Variants in C10orf90 observed in about 807,000 individuals in gnomAD.
C10orf90 encodes (E2-independent) E3 ubiquitin-conjugating enzyme FATS.
C10orf90 carries 56 observed loss-of-function variants against 62.5 expected under a neutral mutation model. That is an observed-to-expected ratio of 0.90 (90% CI 0.72 to 1.12). The LOEUF is 1.12. Ranked by LOEUF, C10orf90 falls within the 50% of genes most tolerant of loss-of-function variation. The probability of loss-of-function intolerance (pLI) is 0.00; values close to 1 mark genes in which losing one functional copy is unlikely to be tolerated. For synonymous variants in C10orf90, 386 were observed against 340.4 expected (o/e 1.13, Z -1.47); for missense variants, 970 against 880.4 (o/e 1.10, Z -1.29).
intron 2 of C10orf90, among the ~76,000 whole-genome samples, chr10:126,525,178 A>G (rs1485215761): frequency 6.6e-6 from 1 of 152,196 alleles, no homozygotes; most frequent in Non-Finnish European, 1.5e-5. Flanking sequence ...CTTTTAGTTC[A>G]GGACTGGTGA....
intron 2 of C10orf90, among the ~76,000 whole-genome samples, chr10:126,549,908 C>T (rs1225418976): frequency 6.6e-6 from 1 of 151,468 alleles, no homozygotes; most frequent in Non-Finnish European, 1.5e-5. Flanking sequence ...TGCAAAAAGA[C>T]AATCCCAGAA....
chr10:126,636,590 C>T (rs533820371), intron 2 of C10orf90, among the ~76,000 whole-genome samples: 23 of 152,338 alleles, frequency 1.5e-4, no homozygotes, highest in African/African-American at 5.3e-4. Flanking sequence ...AGCTCTGCCA[C>T]ACTTCAGCTT....
intron 2 of C10orf90, among the ~76,000 whole-genome samples, chr10:126,601,456 C>T (rs192827162): frequency 3.0e-4 from 46 of 152,196 alleles, no homozygotes; most frequent in Non-Finnish European, 5.6e-4. Flanking sequence ...CTCAAATATA[C>T]ACAATAACAT....
intron 8 of C10orf90, among the ~76,000 whole-genome samples, chr10:126,426,885 G>T (rs1188753186): frequency 6.6e-6 from 1 of 152,142 alleles, no homozygotes; most frequent in East Asian, 1.9e-4. Flanking sequence ...GACAATCTTC[G>T]CAGGAGACAT....
At chr10:126,663,936 C>T (rs769606673) in intron 1 of C10orf90, among the ~76,000 whole-genome samples, 6 of 152,148 alleles carry the variant, frequency 3.9e-5, no homozygotes, top group Non-Finnish European at 8.8e-5. Context: ...TAGATCCTTG[C>T]CCCTAGGGAG....
At chr10:126,547,720 A>T (rs1391311304) in intron 2 of C10orf90, among the ~76,000 whole-genome samples, 1 of 152,146 alleles carries the variant, frequency 6.6e-6, no homozygotes, top group Non-Finnish European at 1.5e-5. Flanking sequence ...TTAGAATTTT[A>T]AAAACTAATG....
intron 2 of C10orf90, among the ~76,000 whole-genome samples, chr10:126,587,620 T>C (rs944945541): frequency 2.0e-5 from 3 of 152,234 alleles, no homozygotes; most frequent in African/African-American, 4.8e-5. Context: ...ACACCTTCCA[T>C]ATATGTATTC....
chr10:126,527,044 G>A (rs74158829), intron 2 of C10orf90, among the ~76,000 whole-genome samples: 6,570 of 152,210 alleles, frequency 0.043, 159 homozygotes, highest in Middle Eastern at 0.071. Context: ...AAGTTTTTGA[G>A]TGATATATGT....
chr10:126,595,556 AG>A (rs1400078928), intron 2 of C10orf90, among the ~76,000 whole-genome samples: 1 of 152,192 alleles, frequency 6.6e-6, no homozygotes, highest in African/African-American at 2.4e-5. Context: ...GGCTGTGTGG[AG>A]GTGGGGCAGA....
intron 2 of C10orf90, among the ~76,000 whole-genome samples, chr10:126,526,839 C>T (rs1386437234): frequency 6.6e-6 from 1 of 152,172 alleles, no homozygotes; most frequent in African/African-American, 2.4e-5. Context: ...TTGTTTCTGG[C>T]TTCTTCTGCT....
chr10:126,549,776 A>G lies in C10orf90; in HGVS notation c.314-35837T>C, dbSNP rs1043883548. On this transcript the variant is annotated intron_variant, in intron 2 of 9. Transcript: ENST00000488181. ...AAAAAAAAAAATTTAAGAACAACCC[A>G]GATGTCCTTCAGTGGATGAATGGCT... Among the ~76,000 whole-genome samples, 3 of 150,692 alleles carry G rather than the reference A, an allele frequency of 2.0e-5. No individual in the cohort carries two copies. The South Asian group carries it at 6.3e-4, about 32-fold the overall frequency.
chr10:126,591,686 G>C (rs562622792), intron 2 of C10orf90, among the ~76,000 whole-genome samples: 1 of 152,268 alleles, frequency 6.6e-6, no homozygotes, highest in Admixed American at 6.5e-5. Flanking sequence ...AGTATTGGAA[G>C]TGCTGGCCAG....
At chr10:126,657,782 AT>A (rs1846427010) in intron 1 of C10orf90, among the ~76,000 whole-genome samples, 1 of 151,708 alleles carries the variant, frequency 6.6e-6, no homozygotes, top group Non-Finnish European at 1.5e-5. Flanking sequence ...CACCTGGCTA[AT>A]TTTTGTATTT....
chr10:126,520,159 T>G (rs1591061965), intron 2 of C10orf90: 1 of 152,400 alleles, frequency 6.6e-6, no homozygotes, highest in African/African-American at 2.4e-5. Flanking sequence ...AAGGCTGGTT[T>G]GCTCCTGAGA....
At position 126,507,235 on chromosome 10, in the gene C10orf90, T is replaced by C. The variant is rs972705951; in HGVS notation, c.406-2150A>G. 4.0e-5 allele frequency among the ~76,000 whole-genome samples: 6 copies of C among 151,398 alleles called. No individual in the cohort carries two copies. In the South Asian group the frequency reaches 1.3e-3, roughly 32 times the overall value. Reference sequence around the variant, plus strand: ...AGCTGGGCGTGGTGGCAGGCGCCTGTAGTCCCAGCTACTCGGGAGGCTGAG... The same window carrying C: ...AGCTGGGCGTGGTGGCAGGCGCCTGCAGTCCCAGCTACTCGGGAGGCTGAG... On this transcript the variant is annotated intron_variant, in intron 3 of 9. Coordinates refer to ENST00000488181, the MANE Select transcript of C10orf90 (RefSeq NM_001350921.2).
intron 4 of C10orf90, among the ~76,000 whole-genome samples, chr10:126,480,345 G>A (rs926266612): frequency 6.6e-6 from 1 of 152,198 alleles, no homozygotes; most frequent in African/African-American, 2.4e-5. Context: ...TTTGTCTCAT[G>A]TAAATATAGT....
At chr10:126,442,061 T>C (rs1858363304) in intron 7 of C10orf90, among the ~76,000 whole-genome samples, 1 of 152,056 alleles carries the variant, frequency 6.6e-6, no homozygotes, top group African/African-American at 2.4e-5. Context: ...ATCTCAATAC[T>C]AATATTAAAT....
At position 126,485,949 on chromosome 10, in the gene C10orf90, G is replaced by GAA. The variant is rs11461920; in HGVS notation, c.1534+18006_1534+18007dup. Among the ~76,000 whole-genome samples the GAA allele has an allele frequency of 1.2e-3, 171 of 139,208 alleles. 1 individual carries two copies. In the East Asian group the frequency reaches 0.017, roughly 13 times the overall value. 91.3% of individuals were successfully genotyped at this position (139,208 alleles called of 152,430 possible). A position where few individuals can be genotyped will look rare whatever the true frequency, so the allele number is the denominator to read the frequency against. On this transcript the variant is annotated intron_variant, in intron 4 of 9. Coordinates refer to ENST00000488181, the MANE Select transcript of C10orf90 (RefSeq NM_001350921.2). Reference sequence around the variant, plus strand: ...GGGACAGAGCAAGACTCCATCTCAAGAAAAAAAAAAAACCTTAGAAATAAG... The same window carrying GAA: ...GGGACAGAGCAAGACTCCATCTCAAGAAAAAAAAAAAAAACCTTAGAAATAAG...
At chr10:126,435,232 C>A (rs1857840883) in intron 7 of C10orf90, among the ~76,000 whole-genome samples, 1 of 152,146 alleles carries the variant, frequency 6.6e-6, no homozygotes. Context: ...TCTGGAAAGA[C>A]AATAAGCTCT....
Sources: gnomAD v4.1 joint callset for allele counts (sites outside exome capture counted in the v4.1 genomes callset) on GRCh38, gnomAD v4.1.1 for gene constraint, MANE v1.5 for transcripts, NCBI Gene and HGNC (gene_info 2026-07-23, HGNC 2026-07-21) for gene names.